The following ING1 variants were observed in gnomAD, a reference collection of about 807,000 sequenced individuals.
The protein encoded by ING1 is inhibitor of growth protein 1.
ING1 carries 4 observed loss-of-function variants against 23.1 expected under a neutral mutation model. The observed-to-expected ratio is 0.17, with a 90% CI of 0.09 to 0.40. The LOEUF is 0.40. ING1 is among the 10% of genes least tolerant of loss of function. The pLI, the probability that ING1 is intolerant of heterozygous loss-of-function variation, is 1.00. For missense variants in ING1, 256 were observed against 393.8 expected, an observed-to-expected ratio of 0.65 and a Z score of 2.96; for synonymous variants, 179 against 166.4, an observed-to-expected ratio of 1.08 and a Z score of -0.58.
chr13:110,713,596 G>C (rs1290305255), upstream of ING1: 15 of 985,652 alleles, frequency 1.5e-5, no homozygotes, highest in Non-Finnish European at 1.7e-5. Context: ...GGTGAGGGGC[G>C]TGAATGCGGC....
chr13:110,716,014 T>G, intron 1 of ING1: 1 of 1,495,538 alleles, frequency 6.7e-7, no homozygotes, highest in Non-Finnish European at 8.8e-7. Context: ...GAAACGTGAG[T>G]GACTGGGGCT....
intron 1 of ING1, among the ~76,000 whole-genome samples, chr13:110,716,174 G>T (rs963905839): frequency 6.6e-6 from 1 of 152,228 alleles, no homozygotes; most frequent in Non-Finnish European, 1.5e-5. Flanking sequence ...GAAAAAAGTA[G>T]CGCGGGGCGG....
chr13:110,718,563 A>G (rs1250726680), intron 1 of ING1, among the ~76,000 whole-genome samples: 1 of 152,260 alleles, frequency 6.6e-6, no homozygotes, highest in South Asian at 2.1e-4. Context: ...GTCACAAAGT[A>G]TCCTGGACCT....
chr13:110,720,681 CTAA>C lies in ING1; in HGVS notation c.*751_*753del, dbSNP rs758978032. 3.0e-5 allele frequency: 5 copies of C among 167,064 alleles called. No homozygotes were observed. In the East Asian group the frequency reaches 7.7e-4, roughly 26 times the overall value. The allele number at this position is 167,064 out of a possible 1,614,324, so 10.3% of individuals were successfully genotyped here. A position where few individuals can be genotyped will look rare whatever the true frequency, so the allele number is the denominator to read the frequency against. On this transcript the variant is annotated 3_prime_UTR_variant, in exon 2 of 2. Transcript: ENST00000333219. ...GCAGTCAGCAGATGCTGTTGTGAAG[CTAA>C]TGTCACAATTATGTGCAAAGGTGTG...
At position 110,719,641 on chromosome 13, in the gene ING1, C is replaced by T; in HGVS notation, c.549C>T (p.Thr183=). 7.4e-6 allele frequency: 12 copies of T among 1,612,562 alleles called. No homozygotes were observed. Among genetic ancestry groups the T allele is most frequent in the Non-Finnish European group, 1.0e-5 (12 of 1,179,700 alleles). The change falls in exon 2 of 2, where the codon ACC becomes ACT. Residue 183 remains threonine, a synonymous_variant. Transcript: ENST00000333219. This position sits in a 1 kb window ranked among gnomAD's most constrained non-coding sequence, Gnocchi z 8.9. ...CACCCAAGGAGAAGAAGGCCAAGAC[C>T]TCCAAGAAGAAGAAGCGCTCCAAGG... is the stretch of plus-strand genomic sequence containing the variant. ...SGTPKEKKAK[T]SKKKKRSKAK...
intron 1 of ING1, 43 bp downstream of exon 1, chr13:110,714,328 C>G (rs760368710): frequency 3.3e-6 from 5 of 1,496,144 alleles, no homozygotes; most frequent in Non-Finnish European, 4.5e-6. Context: ...CGCCTCCTTC[C>G]CGGCGGGTCC....
intron 1 of ING1, chr13:110,715,193 G>C (rs943933315): frequency 8.0e-7 from 1 of 1,246,348 alleles, no homozygotes; most frequent in Admixed American, 4.0e-5. Flanking sequence ...CAAGGCTTTG[G>C]GGGCTCTGTT....
upstream of ING1, chr13:110,713,281 A>G (rs1306228439): frequency 5.5e-6 from 7 of 1,273,440 alleles, no homozygotes; most frequent in Admixed American, 1.5e-4. Flanking sequence ...CTGAGGAGCG[A>G]GTTGCGGTAG....
chr13:110,715,186 G>A (rs1487968742), intron 1 of ING1: 55 of 1,232,206 alleles, frequency 4.5e-5, no homozygotes, highest in Non-Finnish European at 5.3e-5. Flanking sequence ...GGTCAGTCAA[G>A]GCTTTGGGGG....
chr13:110,716,939 G>T (rs1390674562), intron 1 of ING1, among the ~76,000 whole-genome samples: 2 of 152,216 alleles, frequency 1.3e-5, no homozygotes, highest in Non-Finnish European at 2.9e-5. Context: ...GAGTATCAAA[G>T]AAATATTAGG....
upstream of ING1, chr13:110,713,111 G>T (rs896383948): frequency 2.6e-5 from 38 of 1,436,066 alleles, no homozygotes; most frequent in East Asian, 5.0e-5. Context: ...GTTTCTAGTA[G>T]TAAGAGTCCG....
rs2064148135 is a variant in ING1 at position 110,719,054 on chromosome 13, G to GTTGTGTTGT, written c.137-175_137-174insTTGTGTTGT. ...GTTGTGTTGTGTTGTGTTGTGTTGT[G>GTTGTGTTGT]GTTAGCACAGGAACAGATAGGCCCG... On this transcript the variant is annotated intron_variant, in intron 1 of 1. Coordinates refer to ENST00000333219, the MANE Select transcript of ING1 (RefSeq NM_198219.3). The surrounding 1 kb of genome is among the most constrained non-coding windows in gnomAD (Gnocchi z 8.9). Among the ~76,000 whole-genome samples the GTTGTGTTGT allele has an allele frequency of 6.6e-6, 1 of 152,088 alleles. No individual in the cohort carries two copies. Among genetic ancestry groups the GTTGTGTTGT allele is most frequent in the African/African-American group, 2.4e-5 (1 of 41,410 alleles).
At position 110,715,315 on chromosome 13, in the gene ING1, A is replaced by G. The variant is rs112007007; in HGVS notation, c.136+1030A>G. 8.9e-4 allele frequency: 1,269 copies of G among 1,428,784 alleles called. 9 individuals are homozygous for G. The African/African-American group carries it at 0.017, about 19-fold the overall frequency. 88.5% of individuals were successfully genotyped at this position (1,428,784 alleles called of 1,614,324 possible). The stretch of plus-strand genomic sequence containing the variant: ...AAAATTGACCGCTATCCCCGAAAGT[A>G]CTAGACGCCTCTGCCGGGAAGGCGC... On this transcript the variant is annotated intron_variant, in intron 1 of 1. Transcript: ENST00000333219.
intron 1 of ING1, chr13:110,715,650 T>C: frequency 6.2e-7 from 1 of 1,613,022 alleles, no homozygotes; most frequent in Non-Finnish European, 8.5e-7. Context: ...TTGGTTCTTC[T>C]CGCTGCTGGG....
rs928236957 is a variant in ING1, at chr13:110,720,728, C to G, written c.*796C>G. On this transcript the variant is annotated 3_prime_UTR_variant, in exon 2 of 2. Transcript: ENST00000333219. ...AGGTGTGCTTCCTGCTGTATGTGAG[C>G]TGTAAAAATGTTACGTGAAGAAATA... is the stretch of plus-strand genomic sequence containing the variant. The G allele has an allele frequency of 6.0e-6, 1 of 167,074 alleles. No homozygotes were observed. Among genetic ancestry groups the G allele is most frequent in the African/African-American group, 2.4e-5 (1 of 41,454 alleles). 10.3% of individuals were successfully genotyped at this position (167,074 alleles called of 1,614,324 possible).
At chr13:110,712,832 G>A (rs2064048068), upstream of ING1, 1 of 965,764 alleles carries the variant, frequency 1.0e-6, no homozygotes, top group Non-Finnish European at 1.6e-6. Flanking sequence ...CTCGGCACTA[G>A]GAAGCAGCTT....
chr13:110,714,338 C>G lies in ING1; in HGVS notation c.136+53C>G, dbSNP rs566563706. On this transcript the variant is annotated intron_variant, in intron 1 of 1. Transcript: ENST00000333219. Reference sequence around the variant, plus strand: ...GCGGCCGCCTCCTTCCCGGCGGGTCCGGGCGCGCCGCGGAGCCGGGCCGGT... The same window carrying G: ...GCGGCCGCCTCCTTCCCGGCGGGTCGGGGCGCGCCGCGGAGCCGGGCCGGT... 8.9e-5 allele frequency: 126 copies of G among 1,412,896 alleles called. 1 individual carries two copies. In the Middle Eastern group the frequency reaches 1.2e-3, roughly 13 times the overall value. 87.5% of individuals were successfully genotyped at this position (1,412,896 alleles called of 1,614,324 possible). A position where few individuals can be genotyped will look rare whatever the true frequency, so the allele number is the denominator to read the frequency against.
chr13:110,715,870 G>T lies in ING1; in HGVS notation c.136+1585G>T, dbSNP rs757669390. 34 of 1,595,214 alleles carry T rather than the reference G, an allele frequency of 2.1e-5. No individual in the cohort carries two copies. The highest frequency in any genetic ancestry group is 2.6e-5 in the Non-Finnish European group (31 of 1,174,336). ...TTTCGGGCGCGGATTTATAGCAGTA[G>T]CAGTGATCCCGGGCCTGTGGGCTCG... On this transcript the variant is annotated intron_variant, in intron 1 of 1. Transcript: ENST00000333219.
At chr13:110,713,064 C>G, upstream of ING1, 1 of 1,453,816 alleles carries the variant, frequency 6.9e-7, no homozygotes, top group Non-Finnish European at 9.1e-7. Context: ...CGCCCGTGCC[C>G]GGCCCTCCCC....
Sources: allele counts gnomAD v4.1 joint callset (sites outside exome capture counted in the v4.1 genomes callset), GRCh38; gene constraint gnomAD v4.1.1; non-coding constraint Gnocchi (gnomAD v3.1); transcripts MANE v1.5; gene names NCBI Gene and HGNC (gene_info 2026-07-23, HGNC 2026-07-21).